The following FUBP1 variants were observed in gnomAD, a reference collection of about 807,000 sequenced individuals.
The protein encoded by FUBP1 is far upstream element-binding protein 1.
A neutral mutation model predicts 94.9 loss-of-function variants in FUBP1; 16 were observed. That is an observed-to-expected ratio of 0.17 (90% CI 0.11 to 0.26). The LOEUF (loss-of-function observed/expected upper bound fraction) is 0.26. Ranked by LOEUF, FUBP1 falls within the 10% of genes least tolerant of loss-of-function variation. The pLI is 1.00. For synonymous variants in FUBP1, 279 were observed against 254.9 expected, an observed-to-expected ratio of 1.09 and a Z score of -0.90; for missense variants, 583 against 808.6, an observed-to-expected ratio of 0.72 and a Z score of 3.38.
rs1012004294 is a variant in FUBP1, at chr1:77,944,761, A to G, written c.*4005T>C. Among the ~76,000 whole-genome samples the G allele has an allele frequency of 3.3e-5, 5 of 151,932 alleles. No individual in the cohort carries two copies. The highest frequency in any genetic ancestry group is 4.4e-5 in the Non-Finnish European group (3 of 67,840). Reference sequence around the variant, plus strand: ...CCAAACCCACCCTTATGAATTAACTACCAAGATAATTTGTTTAAAAGATAT... The same window carrying G: ...CCAAACCCACCCTTATGAATTAACTGCCAAGATAATTTGTTTAAAAGATAT... On this transcript the variant is annotated 3_prime_UTR_variant, in exon 20 of 20. Transcript: ENST00000370768.
At chr1:77,949,869 A>G (rs913461706) in intron 18 of FUBP1, among the ~76,000 whole-genome samples, 2 of 152,220 alleles carry the variant, frequency 1.3e-5, no homozygotes, top group Non-Finnish European at 2.9e-5. Flanking sequence ...CACACATAAT[A>G]AGATGTTAAA....
At chr1:77,971,031 C>A (rs72685364) in intron 1 of FUBP1, among the ~76,000 whole-genome samples, 30,326 of 150,706 alleles carry the variant, frequency 0.2, 3,326 homozygotes, top group African/African-American at 0.28. Context: ...AAGACTGTTA[C>A]AAACAAAACA....
chr1:77,977,147 C>T (rs1353834055), intron 1 of FUBP1, among the ~76,000 whole-genome samples: 2 of 152,178 alleles, frequency 1.3e-5, no homozygotes, highest in Non-Finnish European at 2.9e-5. Context: ...TGTTCATCTG[C>T]ATTTGGTCAA....
intron 12 of FUBP1, 71 bp from the exon 13 acceptor site, chr1:77,963,786 G>A: frequency 7.6e-7 from 1 of 1,314,912 alleles, no homozygotes; most frequent in Non-Finnish European, 1.1e-6. Flanking sequence ...AAATTATTAA[G>A]TTTATTTTTC....
chr1:77,959,682 C>A (rs1027160621), intron 16 of FUBP1, among the ~76,000 whole-genome samples: 2 of 152,076 alleles, frequency 1.3e-5, no homozygotes, highest in African/African-American at 4.8e-5. Flanking sequence ...CAGGCACATA[C>A]CACCCTGCCC....
Position 77,956,605 on chromosome 1 carries a change from C to G in FUBP1, c.1672G>C (p.Gly558Arg). Residue 558 changes from glycine to arginine, a missense_variant, in exon 17 of 20, where the codon GGT becomes CGT. By Grantham distance (125) the Gly-to-Arg change is moderately radical. Transcript: ENST00000370768. Reference sequence around the variant, plus strand: ...TTAGTTTGAGTTGTAGTTGGTGCACCTGCAGGGGCTGCTGGTGGTGGCTGT... The same window carrying G: ...TTAGTTTGAGTTGTAGTTGGTGCACGTGCAGGGGCTGCTGGTGGTGGCTGT... ...QAQPPPAAPA[G>R]APTTTQTNGQ... 1 of 1,612,804 alleles carries G rather than the reference C, an allele frequency of 6.2e-7. No homozygotes were observed. Among genetic ancestry groups the G allele is most frequent in the Non-Finnish European group, 8.5e-7 (1 of 1,178,950 alleles).
intron 10 of FUBP1, 75 bp from the exon 11 acceptor site, chr1:77,964,431 G>A: frequency 1.1e-6 from 1 of 920,678 alleles, no homozygotes; most frequent in South Asian, 1.5e-5. Flanking sequence ...TTTTAAAAAA[G>A]CGCCATTTCC....
chr1:77,945,574 T>A lies in FUBP1; in HGVS notation c.*3192A>T, dbSNP rs936269606. Reference sequence around the variant, plus strand: ...CAATGGCATACACTCAAAGGATTCCTCTTTATGGGTAACTATCTCAGGACC... The same window carrying A: ...CAATGGCATACACTCAAAGGATTCCACTTTATGGGTAACTATCTCAGGACC... On this transcript the variant is annotated 3_prime_UTR_variant, in exon 20 of 20. Transcript: ENST00000370768. 4.7e-6 allele frequency: 1 copy of A among 212,610 alleles called. No homozygotes were observed. The highest frequency in any genetic ancestry group is 2.3e-5 in the African/African-American group (1 of 44,242). The allele number at this position is 212,610 out of a possible 1,614,324, so 13.2% of individuals were successfully genotyped here.
At chr1:77,965,963 G>A (rs1205142639) in intron 7 of FUBP1, among the ~76,000 whole-genome samples, 3 of 152,220 alleles carry the variant, frequency 2.0e-5, no homozygotes, top group African/African-American at 7.2e-5. Flanking sequence ...GTTGCAGTGA[G>A]CCGAGATCGT....
chr1:77,974,634 A>C (rs1658265436), intron 1 of FUBP1, among the ~76,000 whole-genome samples: 1 of 152,202 alleles, frequency 6.6e-6, no homozygotes, highest in Admixed American at 6.5e-5. Context: ...CACTATGCCC[A>C]GTCTTGCACT....
rs1000508634 is a variant in FUBP1 at position 77,944,717 on chromosome 1, A to G, written c.*4049T>C. Reference sequence around the variant, plus strand: ...TGAATGACTCCCCTTTCCCTCTGAAAGTACTCTGCTATTCCTACCCAAACC... The same window carrying G: ...TGAATGACTCCCCTTTCCCTCTGAAGGTACTCTGCTATTCCTACCCAAACC... On this transcript the variant is annotated 3_prime_UTR_variant, in exon 20 of 20. Transcript: ENST00000370768. Among the ~76,000 whole-genome samples, 2 of 152,088 alleles carry G rather than the reference A, an allele frequency of 1.3e-5. No homozygotes were observed. The highest frequency in any genetic ancestry group is 3.9e-4 in the East Asian group (2 of 5,184).
At chr1:77,974,113 C>T (rs1658126510) in intron 1 of FUBP1, among the ~76,000 whole-genome samples, 1 of 151,428 alleles carries the variant, frequency 6.6e-6, no homozygotes, top group African/African-American at 2.4e-5. Context: ...GCAAGCACCA[C>T]CACGTCTGGC....
upstream of FUBP1, chr1:77,979,124 T>G: frequency 9.7e-7 from 1 of 1,032,016 alleles, no homozygotes; most frequent in Non-Finnish European, 1.4e-6. Context: ...CATCGTGCCG[T>G]AAAGGGGCGG....
rs753548763 is a variant in FUBP1 at position 77,956,565 on chromosome 1, T to C, written c.1705+7A>G. On this transcript the variant is annotated splice_region_variant and intron_variant, in intron 17 of 19. Transcript: ENST00000370768. ...TGGCTTTCACATACAATAAGTTCTG[T>C]AGTTACCTTGTCCATTAGTTTGAGT... 3 of 1,610,548 alleles carry C rather than the reference T, an allele frequency of 1.9e-6. No individual in the cohort carries two copies. The highest frequency in any genetic ancestry group is 4.5e-5 in the East Asian group (2 of 44,872).
chr1:77,969,238 T>C (rs566041235), intron 2 of FUBP1, among the ~76,000 whole-genome samples: 3 of 152,140 alleles, frequency 2.0e-5, no homozygotes, highest in African/African-American at 7.2e-5. Flanking sequence ...ATACATTCTA[T>C]AGCCTCAGTG....
Position 77,948,724 on chromosome 1 carries a change from T to TC in FUBP1, c.*41dup. 1 of 1,592,768 alleles carries TC rather than the reference T, an allele frequency of 6.3e-7. No individual in the cohort carries two copies. The highest frequency in any genetic ancestry group is 8.5e-7 in the Non-Finnish European group (1 of 1,173,196). On this transcript the variant is annotated 3_prime_UTR_variant, in exon 20 of 20. Coordinates refer to ENST00000370768, the MANE Select transcript of FUBP1 (RefSeq NM_003902.5). Reference sequence around the variant, plus strand: ...TCCATATATTTAACAAAGGTTTTTTTCCCCCACACAATGAAGCAAATACTG... The same window carrying TC: ...TCCATATATTTAACAAAGGTTTTTTTCCCCCCACACAATGAAGCAAATACTG...
In FUBP1 at chr1:77,960,248, T is replaced by C. The variant is rs757837067; in HGVS notation, c.1512A>G (p.Pro504=). 6.2e-6 allele frequency: 10 copies of C among 1,613,022 alleles called. No homozygotes were observed. Among genetic ancestry groups the C allele is most frequent in the Middle Eastern group, 1.6e-4 (1 of 6,064 alleles). Residue 504 remains proline, a synonymous_variant, in exon 16 of 20, where the codon CCA becomes CCG. Coordinates refer to ENST00000370768, the MANE Select transcript of FUBP1 (RefSeq NM_003902.5). ...PGPAPHGPPA[P]YAPQGWGNAY... is the part of the protein sequence containing the mutation. ...CATTTCCCCATCCCTGGGGAGCATATGGGGCTGGAGGACCACTGAAAAGAA... is the reference window on the plus strand; with the variant it reads ...CATTTCCCCATCCCTGGGGAGCATACGGGGCTGGAGGACCACTGAAAAGAA...
intron 1 of FUBP1, among the ~76,000 whole-genome samples, chr1:77,974,976 C>A (rs1658327812): frequency 6.6e-6 from 1 of 152,198 alleles, no homozygotes; most frequent in Non-Finnish European, 1.5e-5. Context: ...ACAGTATCTG[C>A]ATATAACCTA....
At position 77,947,984 on chromosome 1, in the gene FUBP1, G is replaced by A; in HGVS notation, c.*782C>T. 2.9e-6 allele frequency: 3 copies of A among 1,024,722 alleles called. No individual in the cohort carries two copies. The highest frequency in any genetic ancestry group is 3.5e-6 in the Non-Finnish European group (3 of 847,150). 63.5% of individuals were successfully genotyped at this position (1,024,722 alleles called of 1,614,324 possible). A position where few individuals can be genotyped will look rare whatever the true frequency, so the allele number is the denominator to read the frequency against. On this transcript the variant is annotated 3_prime_UTR_variant, in exon 20 of 20. Transcript: ENST00000370768. ...TACTCATATTCACTATCTGAAAACT[G>A]TTTAAAATTAGTTATGCCGAAACAG...
Sources: gnomAD v4.1 joint callset for allele counts (sites outside exome capture counted in the v4.1 genomes callset) on GRCh38, gnomAD v4.1.1 for gene constraint, MANE v1.5 for transcripts, NCBI Gene and HGNC (gene_info 2026-07-23, HGNC 2026-07-21) for gene names.